Variants in DYM observed in about 807,000 individuals in gnomAD.
DYM encodes the protein dyggve-Melchior-Clausen syndrome protein.
DYM carries 78 observed loss-of-function variants against 93.1 expected under a neutral mutation model. That is an observed-to-expected ratio of 0.84 (90% confidence interval 0.70 to 1.01). The LOEUF (loss-of-function observed/expected upper bound fraction) is 1.01. Ranked by LOEUF, DYM falls within the 50% of genes least tolerant of loss-of-function variation. The pLI, the probability that DYM is intolerant of heterozygous loss-of-function variation, is 0.00. For missense variants in DYM, 789 were observed against 845.0 expected (o/e 0.93, Z 0.82); for synonymous variants, 321 against 319.7 (o/e 1.00, Z -0.04).
At chr18:49,300,059 C>CTATATATATAAATATA (rs1435995066) in intron 8 of DYM, among the ~76,000 whole-genome samples, 2 of 139,496 alleles carry the variant, frequency 1.4e-5, no homozygotes, top group African/African-American at 2.7e-5. Context: ...AAAAAAAAAG[C>CTATATATATAAATATA]TATATATATA....
At chr18:49,200,330 T>A (rs1200082841) in intron 14 of DYM, among the ~76,000 whole-genome samples, 1 of 152,056 alleles carries the variant, frequency 6.6e-6, no homozygotes, top group Non-Finnish European at 1.5e-5. Context: ...CAGCTATTTT[T>A]ATACATTATC....
intron 8 of DYM, among the ~76,000 whole-genome samples, chr18:49,289,727 GTATATATATATA>G (rs386387632): frequency 0.092 from 7,845 of 84,846 alleles, 470 homozygotes; most frequent in Non-Finnish European, 0.12. Context: ...ATATATATGT[GTATATATATATA>G]TATATATATA....
chr18:49,240,660 C>G (rs1453868705), intron 13 of DYM, among the ~76,000 whole-genome samples: 1 of 152,032 alleles, frequency 6.6e-6, no homozygotes, highest in Non-Finnish European at 1.5e-5. Flanking sequence ...TTATTGGCAA[C>G]CAACACTGGC....
At chr18:49,080,472 G>A (rs1362360517) in intron 17 of DYM, among the ~76,000 whole-genome samples, 17 of 130,850 alleles carry the variant, frequency 1.3e-4, no homozygotes, top group Admixed American at 2.2e-4. Context: ...GGGCAGAGGC[G>A]CCCCTCACCT....
intron 2 of DYM, among the ~76,000 whole-genome samples, chr18:49,417,741 A>C (rs991709848): frequency 8.5e-5 from 13 of 152,244 alleles, no homozygotes; most frequent in African/African-American, 1.2e-4. Context: ...AACACCCTTT[A>C]TCATATTTCA....
At chr18:49,217,196 T>G (rs1401131556) in intron 13 of DYM, among the ~76,000 whole-genome samples, 1 of 151,756 alleles carries the variant, frequency 6.6e-6, no homozygotes, top group Non-Finnish European at 1.5e-5. Flanking sequence ...AGAAGGGAAG[T>G]TTAGAGAAAA....
intron 16 of DYM, among the ~76,000 whole-genome samples, chr18:49,108,460 A>G (rs930513167): frequency 3.3e-5 from 5 of 152,198 alleles, no homozygotes; most frequent in Admixed American, 2.0e-4. Context: ...CCGGTATCTC[A>G]GTTGGAAATG....
chr18:49,281,820 G>GA (rs2094987332), intron 10 of DYM, among the ~76,000 whole-genome samples, 177 bp downstream of exon 10: 1 of 152,162 alleles, frequency 6.6e-6, no homozygotes, highest in Admixed American at 6.5e-5. Flanking sequence ...GGGGCAGGGG[G>GA]AAGGGATAGC....
intron 7 of DYM, 45 bp from the exon 8 acceptor site, chr18:49,332,051 C>T (rs952885868): frequency 2.5e-6 from 4 of 1,570,430 alleles, no homozygotes; most frequent in African/African-American, 2.7e-5. Context: ...TTATGGGAGT[C>T]ATCTAATTCT....
intron 13 of DYM, among the ~76,000 whole-genome samples, chr18:49,224,028 C>G (rs1456136513): frequency 6.6e-6 from 1 of 152,016 alleles, no homozygotes; most frequent in Non-Finnish European, 1.5e-5. Flanking sequence ...GAGTTGACAT[C>G]AGACCTGTTA....
At chr18:49,409,925 G>A (rs2072016158) in intron 2 of DYM, among the ~76,000 whole-genome samples, 2 of 152,320 alleles carry the variant, frequency 1.3e-5, no homozygotes, top group South Asian at 4.1e-4. Flanking sequence ...TTAGGTCGTG[G>A]AGCCTATACG....
intron 6 of DYM, among the ~76,000 whole-genome samples, chr18:49,358,498 G>C (rs1243454853): frequency 5.3e-5 from 8 of 152,072 alleles, no homozygotes; most frequent in African/African-American, 1.7e-4. Context: ...CCCTGAAAAA[G>C]GCAGTGAAAG....
chr18:49,434,800 T>TA (rs566257488), intron 1 of DYM, among the ~76,000 whole-genome samples: 4 of 151,956 alleles, frequency 2.6e-5, no homozygotes, highest in Admixed American at 2.0e-4. Context: ...ACCCTGTCTC[T>TA]AAAAAAAATT....
chr18:49,256,003 G>C (rs1005666863), intron 13 of DYM, among the ~76,000 whole-genome samples: 6 of 147,906 alleles, frequency 4.1e-5, no homozygotes, highest in African/African-American at 1.5e-4. Context: ...AGAATGACGT[G>C]AACCCAGGAG....
chr18:49,195,740 G>A (rs761783772), intron 14 of DYM, among the ~76,000 whole-genome samples: 2 of 151,996 alleles, frequency 1.3e-5, no homozygotes, highest in Non-Finnish European at 2.9e-5. Flanking sequence ...TTCAACAAGT[G>A]GAAAATTTGT....
At chr18:49,401,896 C>T (rs1237009438) in intron 2 of DYM, among the ~76,000 whole-genome samples, 1 of 151,760 alleles carries the variant, frequency 6.6e-6, no homozygotes, top group Non-Finnish European at 1.5e-5. Context: ...TGTGGTGATG[C>T]GCACCTGTAA....
chr18:49,087,253 GATTT>G (rs1284968804), intron 17 of DYM, among the ~76,000 whole-genome samples: 2 of 152,080 alleles, frequency 1.3e-5, no homozygotes, highest in African/African-American at 4.8e-5. Context: ...TACTGGGCAA[GATTT>G]ATTTTGCTAC....
At chr18:49,078,583 T>C (rs1482786370) in intron 17 of DYM, among the ~76,000 whole-genome samples, 4 of 152,196 alleles carry the variant, frequency 2.6e-5, no homozygotes, top group Non-Finnish European at 5.9e-5. Context: ...TCTTCTACTC[T>C]CTTCAGCATT....
intron 14 of DYM, among the ~76,000 whole-genome samples, chr18:49,167,421 C>G (rs2088046448): frequency 6.6e-6 from 1 of 152,156 alleles, no homozygotes; most frequent in African/African-American, 2.4e-5. Flanking sequence ...AGGTCACATT[C>G]AGCTCTCCAT....
Sources: allele counts gnomAD v4.1 joint callset (sites outside exome capture counted in the v4.1 genomes callset), GRCh38; gene constraint gnomAD v4.1.1; transcripts MANE v1.5; gene names NCBI Gene and HGNC (gene_info 2026-07-23, HGNC 2026-07-21).